TMCO5A: variants seen among roughly 807,000 people sequenced by gnomAD.
TMCO5A encodes the protein transmembrane and coiled-coil domains 5A.
Under a neutral mutation model 42.3 loss-of-function variants are expected in TMCO5A, and 34 were observed. The ratio of observed to expected loss-of-function variants is 0.80; its 90% CI spans 0.61 to 1.07. The LOEUF (loss-of-function observed/expected upper bound fraction) is 1.07, where lower values mean the gene tolerates loss of function less well. Among genes scored for constraint, TMCO5A ranks in the 50% least tolerant of loss-of-function variants. The pLI, the probability that TMCO5A is intolerant of heterozygous loss-of-function variation, is 0.00. For synonymous variants in TMCO5A, 131 were observed against 115.6 expected (o/e 1.13, Z -0.86); for missense variants, 357 against 327.9 (o/e 1.09, Z -0.69).
intron 2 of TMCO5A, 35 bp from the exon 3 acceptor site, chr15:37,936,276 TAAC>T: frequency 1.9e-6 from 3 of 1,583,576 alleles, no homozygotes; most frequent in Middle Eastern, 3.4e-4. Context: ...GATCTTGAGA[TAAC>T]TGGCCCTTGT....
At chr15:37,965,412 T>C (rs1284172169) in intron 11 of TMCO5A, among the ~76,000 whole-genome samples, 1 of 152,088 alleles carries the variant, frequency 6.6e-6, no homozygotes. Flanking sequence ...ACAAATGGGT[T>C]CTCATCAAGC....
rs747643615 is a variant in TMCO5A at position 37,947,770 on chromosome 15, G to A, written c.668+74G>A. The A allele has an allele frequency of 5.0e-6, 5 of 1,004,332 alleles. No homozygotes were observed. In the East Asian group the frequency reaches 9.6e-5, roughly 19 times the overall value. The allele number at this position is 1,004,332 out of a possible 1,614,324, so 62.2% of individuals were successfully genotyped here. ...TTTAGCTATTCGGGCAGAGGGAAAA[G>A]TCTAGACAAGGAGAGCCTTGTATAT... On this transcript the variant is annotated intron_variant, in intron 11 of 11. Transcript: ENST00000319669.
the TMCO5A span, among the ~76,000 whole-genome samples, chr15:37,982,943 A>G: frequency 1.3e-4 from 19 of 151,856 alleles, no homozygotes; most frequent in Non-Finnish European, 2.1e-4. Flanking sequence ...TTCTATTCAT[A>G]GTCCTCTCTC....
the TMCO5A span, among the ~76,000 whole-genome samples, chr15:37,978,099 A>G: frequency 4.3e-3 from 655 of 152,324 alleles, 8 homozygotes; most frequent in African/African-American, 0.015. Context: ...CCAGAGAAAC[A>G]CAGCCACTGC....
In TMCO5A at chr15:37,941,144, T is replaced by C; in HGVS notation, c.388-5T>C. ...CAAGTTAGCAGTCTCTTTTGCTTTC[T>C]TTAGGTTAAGTTACAACAGCTGGAA... On this transcript the variant is annotated splice_polypyrimidine_tract_variant and splice_region_variant and intron_variant, in intron 6 of 11. Coordinates refer to ENST00000319669, the MANE Select transcript of TMCO5A (RefSeq NM_152453.4). 6.2e-7 allele frequency: 1 copy of C among 1,613,128 alleles called. No homozygotes were observed. Among genetic ancestry groups the C allele is most frequent in the Non-Finnish European group, 8.5e-7 (1 of 1,179,478 alleles).
the TMCO5A span, among the ~76,000 whole-genome samples, chr15:38,035,136 A>G: frequency 3.9e-5 from 6 of 152,240 alleles, no homozygotes; most frequent in South Asian, 1.2e-3. Flanking sequence ...AGGATGGGTC[A>G]TGGGTCTGAG....
chr15:38,032,503 T>G, the TMCO5A span, among the ~76,000 whole-genome samples: 1 of 152,228 alleles, frequency 6.6e-6, no homozygotes, highest in South Asian at 2.1e-4. Context: ...TCTAGAGTAG[T>G]TCTTCACTTA....
chr15:37,941,579 T>G, intron 7 of TMCO5A, 92 bp from the exon 8 acceptor site: 1 of 937,398 alleles, frequency 1.1e-6, no homozygotes, highest in Non-Finnish European at 1.7e-6. Flanking sequence ...GAAAACCACA[T>G]TTAGGACCTG....
chr15:37,973,975 A>T, the TMCO5A span, among the ~76,000 whole-genome samples: 13 of 152,180 alleles, frequency 8.5e-5, no homozygotes, highest in East Asian at 1.9e-3. Flanking sequence ...ACATGAAAAG[A>T]TTTTGCATTT....
chr15:37,961,543 T>G (rs1890428511), intron 11 of TMCO5A, among the ~76,000 whole-genome samples: 1 of 151,196 alleles, frequency 6.6e-6, no homozygotes, highest in South Asian at 2.1e-4. Flanking sequence ...TTGTTTTATA[T>G]CAATTTTAGA....
chr15:37,943,759 C>T (rs1168941787), intron 10 of TMCO5A: 2 of 186,988 alleles, frequency 1.1e-5, no homozygotes, highest in African/African-American at 4.7e-5. Context: ...GTACTCTTTC[C>T]TGATGATCTT....
At chr15:37,951,517 T>C (rs1215676009), downstream of TMCO5A, 1 of 336,490 alleles carries the variant, frequency 3.0e-6, no homozygotes, top group Non-Finnish European at 5.4e-6. Flanking sequence ...AGTTAATTGA[T>C]AAATTATTCT....
At chr15:38,035,222 A>G in the TMCO5A span, among the ~76,000 whole-genome samples, 1 of 152,234 alleles carries the variant, frequency 6.6e-6, no homozygotes. Flanking sequence ...ATGCAAGTAC[A>G]TGGGAGAATA....
the TMCO5A span, among the ~76,000 whole-genome samples, chr15:38,003,348 G>T: frequency 6.6e-6 from 1 of 152,096 alleles, no homozygotes; most frequent in Admixed American, 6.5e-5. Context: ...CAGACCCAAA[G>T]CCAGCACTGG....
chr15:38,014,754 T>C, the TMCO5A span, among the ~76,000 whole-genome samples: 1 of 151,106 alleles, frequency 6.6e-6, no homozygotes, highest in East Asian at 1.9e-4. Context: ...TAGAGAAAGT[T>C]GAATGCATAA....
At chr15:37,994,223 C>A in the TMCO5A span, among the ~76,000 whole-genome samples, 1 of 152,078 alleles carries the variant, frequency 6.6e-6, no homozygotes, top group Non-Finnish European at 1.5e-5. Context: ...CTAGTGACCC[C>A]AGAGAAAAGG....
At chr15:37,970,426 A>G (rs1457942409), downstream of TMCO5A, among the ~76,000 whole-genome samples, 1 of 152,178 alleles carries the variant, frequency 6.6e-6, no homozygotes, top group East Asian at 1.9e-4. Flanking sequence ...CCCTCCCACA[A>G]TACGTGGGAA....
At chr15:37,963,344 G>T (rs190200398) in intron 11 of TMCO5A, among the ~76,000 whole-genome samples, 1 of 152,006 alleles carries the variant, frequency 6.6e-6, no homozygotes, top group Non-Finnish European at 1.5e-5. Flanking sequence ...TATTATGTCC[G>T]TGTATTTGCA....
At chr15:38,017,141 AG>A in the TMCO5A span, among the ~76,000 whole-genome samples, 1 of 152,198 alleles carries the variant, frequency 6.6e-6, no homozygotes, top group African/African-American at 2.4e-5. Flanking sequence ...ATAAATATAC[AG>A]CACCTGTGAA....
Sources: gnomAD v4.1 joint callset for allele counts (sites outside exome capture counted in the v4.1 genomes callset) on GRCh38, gnomAD v4.1.1 for gene constraint, MANE v1.5 for transcripts, NCBI Gene and HGNC (gene_info 2026-07-23, HGNC 2026-07-21) for gene names.